Variants in CPEB3 observed in about 807,000 individuals in gnomAD.
The protein encoded by CPEB3 is cytoplasmic polyadenylation element-binding protein 3.
In CPEB3, 20 loss-of-function variants were observed where a neutral mutation model predicts 67.2. The ratio of observed to expected loss-of-function variants is 0.30; its 90% CI spans 0.21 to 0.43. The LOEUF is 0.43. Among genes scored for constraint, CPEB3 ranks in the 20% least tolerant of loss-of-function variants. CPEB3 has a pLI of 1.00. For synonymous variants in CPEB3, 376 were observed against 393.1 expected (o/e 0.96, Z 0.51); for missense variants, 746 against 968.6 (o/e 0.77, Z 3.05).
intron 6 of CPEB3, among the ~76,000 whole-genome samples, chr10:92,127,374 C>A (rs571600600): frequency 6.6e-6 from 1 of 152,170 alleles, no homozygotes; most frequent in Admixed American, 6.5e-5. Context: ...GAAAGTGCTC[C>A]ATTTAGAAAT....
intron 1 of CPEB3, among the ~76,000 whole-genome samples, chr10:92,266,458 T>G (rs1257888512): frequency 6.6e-6 from 1 of 152,188 alleles, no homozygotes; most frequent in Non-Finnish European, 1.5e-5. Flanking sequence ...AAGCTTCATA[T>G]GCAGAAATCA....
chr10:92,095,102 G>T (rs1843798772), intron 7 of CPEB3, among the ~76,000 whole-genome samples: 1 of 152,136 alleles, frequency 6.6e-6, no homozygotes, highest in Non-Finnish European at 1.5e-5. Flanking sequence ...CTCTGCAAAA[G>T]ATCTCAAACC....
Position 92,145,216 on chromosome 10 carries a change from G to A in CPEB3, c.1223-131C>T, listed in dbSNP as rs368742062. 69 of 939,196 alleles carry A rather than the reference G, an allele frequency of 7.3e-5. No individual in the cohort carries two copies. In the East Asian group the frequency reaches 1.0e-3, roughly 14 times the overall value. 58.2% of individuals were successfully genotyped at this position (939,196 alleles called of 1,614,324 possible). A position where few individuals can be genotyped will look rare whatever the true frequency, so the allele number is the denominator to read the frequency against. On this transcript the variant is annotated intron_variant, in intron 4 of 9. Coordinates refer to ENST00000265997, the MANE Select transcript of CPEB3 (RefSeq NM_014912.5). ...GAGAGAAGCATACAAAAAAAAAGGT[G>A]TCCTGAGCTGTGGCTTTTCCAAGAT...
chr10:92,267,127 G>A (rs537669868), intron 1 of CPEB3, among the ~76,000 whole-genome samples: 1 of 152,282 alleles, frequency 6.6e-6, no homozygotes, highest in Non-Finnish European at 1.5e-5. Flanking sequence ...GGTAGAGGAT[G>A]CAGAGGGAAC....
upstream of CPEB3, chr10:92,291,187 C>CCGCCGGCAGCAACT (rs1049496246): frequency 2.0e-6 from 1 of 497,228 alleles, no homozygotes; most frequent in African/African-American, 2.1e-5. Flanking sequence ...GGTAGCTCCT[C>CCGCCGGCAGCAACT]CGCCGGCAGC....
At chr10:92,165,533 T>G (rs1434827928) in intron 4 of CPEB3, among the ~76,000 whole-genome samples, 1 of 151,426 alleles carries the variant, frequency 6.6e-6, no homozygotes, top group Non-Finnish European at 1.5e-5. Context: ...ATCAGTGAAG[T>G]TTGCCACATC....
At chr10:92,272,888 G>A (rs1280893753) in intron 1 of CPEB3, among the ~76,000 whole-genome samples, 1 of 152,204 alleles carries the variant, frequency 6.6e-6, no homozygotes, top group African/African-American at 2.4e-5. Context: ...ATGGAGCAGA[G>A]TGGACTGGAG....
intron 8 of CPEB3, among the ~76,000 whole-genome samples, chr10:92,083,519 C>T (rs1181407917): frequency 6.6e-6 from 1 of 152,188 alleles, no homozygotes; most frequent in Non-Finnish European, 1.5e-5. Flanking sequence ...GCTAATGTTA[C>T]TGCAGTAACA....
intron 2 of CPEB3, among the ~76,000 whole-genome samples, chr10:92,213,715 T>C (rs535814888): frequency 2.0e-5 from 3 of 152,282 alleles, no homozygotes; most frequent in South Asian, 2.1e-4. Context: ...AAAACAAACA[T>C]GGCCATCTCC....
At chr10:92,187,528 C>T (rs1400553785) in intron 3 of CPEB3, among the ~76,000 whole-genome samples, 1 of 152,130 alleles carries the variant, frequency 6.6e-6, no homozygotes, top group Admixed American at 6.5e-5. Context: ...CTGGGCTTCC[C>T]CAGTTAGGGT....
chr10:92,080,633 G>A (rs558544430), intron 9 of CPEB3, among the ~76,000 whole-genome samples: 4 of 151,224 alleles, frequency 2.6e-5, no homozygotes, highest in South Asian at 4.2e-4. Context: ...TCGCTCTGTC[G>A]CCCAGGCTGG....
intron 4 of CPEB3, among the ~76,000 whole-genome samples, chr10:92,155,523 T>C (rs746086502): frequency 6.6e-6 from 1 of 152,228 alleles, no homozygotes; most frequent in Non-Finnish European, 1.5e-5. Flanking sequence ...TCATCCCATA[T>C]GGTTATATCA....
intron 7 of CPEB3, 33 bp downstream of exon 7, chr10:92,111,043 T>C (rs1339222258): frequency 1.4e-6 from 2 of 1,423,354 alleles, no homozygotes; most frequent in Non-Finnish European, 2.0e-6. Flanking sequence ...ATATGTGCTC[T>C]GGAAAAGCAA....
chr10:92,159,528 C>T (rs1214031625), intron 4 of CPEB3, among the ~76,000 whole-genome samples: 1 of 151,748 alleles, frequency 6.6e-6, no homozygotes, highest in Non-Finnish European at 1.5e-5. Flanking sequence ...AAAAATTAGC[C>T]AGGCGTGATG....
intron 1 of CPEB3, among the ~76,000 whole-genome samples, chr10:92,285,945 T>C (rs1257311367): frequency 2.8e-5 from 4 of 144,028 alleles, no homozygotes; most frequent in Non-Finnish European, 4.4e-5. Context: ...ATTTGCTTTT[T>C]TCTTTTTTTT....
chr10:92,154,337 T>A (rs942953665), intron 4 of CPEB3, among the ~76,000 whole-genome samples: 2 of 151,252 alleles, frequency 1.3e-5, no homozygotes, highest in Non-Finnish European at 2.9e-5. Flanking sequence ...ATGGGAAATA[T>A]AATTGGGTAT....
At chr10:92,208,928 C>T (rs1262703829) in intron 2 of CPEB3, among the ~76,000 whole-genome samples, 1 of 152,088 alleles carries the variant, frequency 6.6e-6, no homozygotes, top group East Asian at 1.9e-4. Context: ...TGTTTGTCCT[C>T]CCATAATTCC....
At position 92,184,304 on chromosome 10, in the gene CPEB3, G is replaced by A. The variant is rs1013071305; in HGVS notation, c.1166-3285C>T. 4.6e-5 allele frequency among the ~76,000 whole-genome samples: 7 copies of A among 152,136 alleles called. No homozygotes were observed. The South Asian group carries it at 1.5e-3, about 32-fold the overall frequency. On this transcript the variant is annotated intron_variant, in intron 3 of 9. Coordinates refer to ENST00000265997, the MANE Select transcript of CPEB3 (RefSeq NM_014912.5). The stretch of plus-strand genomic sequence containing the variant: ...CTCTGGATGAAAGTGAGCAACAAAA[G>A]ATTTTATAAGAAACTCCAGGCTGGG...
intron 7 of CPEB3, among the ~76,000 whole-genome samples, chr10:92,106,326 A>T (rs928754696): frequency 4.0e-5 from 6 of 151,748 alleles, no homozygotes; most frequent in Non-Finnish European, 7.4e-5. Context: ...CACAGTAACC[A>T]GTACTGTGCC....
Sources: allele counts gnomAD v4.1 joint callset (sites outside exome capture counted in the v4.1 genomes callset), GRCh38; gene constraint gnomAD v4.1.1; transcripts MANE v1.5; gene names NCBI Gene and HGNC (gene_info 2026-07-23, HGNC 2026-07-21).